Variants in CACNA1C observed in about 807,000 individuals in gnomAD.
CACNA1C encodes calcium voltage-gated channel subunit alpha1 C.
CACNA1C carries 30 observed loss-of-function variants against 229.0 expected under a neutral mutation model. The ratio of observed to expected loss-of-function variants is 0.13; its 90% CI spans 0.10 to 0.18. The LOEUF (loss-of-function observed/expected upper bound fraction) is 0.18, where lower values mean the gene tolerates loss of function less well. Ranked by LOEUF, CACNA1C falls within the 10% of genes least tolerant of loss-of-function variation. CACNA1C has a pLI of 1.00. For synonymous variants in CACNA1C, 1,114 were observed against 1,132.5 expected, an observed-to-expected ratio of 0.98 and a Z score of 0.33; for missense variants, 1,658 against 2,845.0, an observed-to-expected ratio of 0.58 and a Z score of 9.49.
At chr12:2,641,643 A>G in intron 30 of CACNA1C, 1 of 693,572 alleles carries the variant, frequency 1.4e-6, no homozygotes, top group Admixed American at 2.0e-5. Flanking sequence ...AAGTGATTCC[A>G]GCACAGTCAT....
At chr12:1,981,255 C>T (rs1299416928) in intron 1 of CACNA1C, among the ~76,000 whole-genome samples, 1 of 152,160 alleles carries the variant, frequency 6.6e-6, no homozygotes, top group East Asian at 1.9e-4. Flanking sequence ...ACCACAGAGG[C>T]TCCTTAATGC....
At chr12:2,302,685 A>G (rs1394013478) in intron 3 of CACNA1C, among the ~76,000 whole-genome samples, 2 of 152,184 alleles carry the variant, frequency 1.3e-5, no homozygotes, top group Admixed American at 1.3e-4. Context: ...AAATACATCA[A>G]TAGCTTATTC....
At chr12:2,541,392 C>CA (rs2099869941) in intron 9 of CACNA1C, among the ~76,000 whole-genome samples, 1 of 152,134 alleles carries the variant, frequency 6.6e-6, no homozygotes, top group African/African-American at 2.4e-5. Flanking sequence ...CGCTCATATG[C>CA]AAAAAATGTA....
chr12:2,164,683 G>T (rs965475475), intron 3 of CACNA1C, among the ~76,000 whole-genome samples: 5 of 152,220 alleles, frequency 3.3e-5, no homozygotes, highest in Non-Finnish European at 7.3e-5. Context: ...TAGAAGCAGA[G>T]ACTGGGGAAT....
intron 1 of CACNA1C, among the ~76,000 whole-genome samples, chr12:2,061,616 G>C (rs975947327): frequency 6.6e-6 from 1 of 152,116 alleles, no homozygotes; most frequent in Non-Finnish European, 1.5e-5. Context: ...CCTGGCAGCT[G>C]TCCACCTGCC....
intron 3 of CACNA1C, among the ~76,000 whole-genome samples, chr12:2,444,256 A>C (rs1167835484): frequency 6.6e-6 from 1 of 152,144 alleles, no homozygotes; most frequent in Non-Finnish European, 1.5e-5. Context: ...TCCTCTGTGC[A>C]TTTCTCCCTG....
At chr12:2,500,536 C>T (rs1004494634) in intron 7 of CACNA1C, among the ~76,000 whole-genome samples, 11 of 152,104 alleles carry the variant, frequency 7.2e-5, no homozygotes, top group Non-Finnish European at 1.5e-4. Flanking sequence ...CTCCCACTCG[C>T]CATCTGCCCA....
chr12:2,247,759 G>A (rs1038333823), intron 3 of CACNA1C, among the ~76,000 whole-genome samples: 9 of 152,278 alleles, frequency 5.9e-5, no homozygotes, highest in African/African-American at 2.2e-4. Flanking sequence ...GAGCCTCTTT[G>A]TGCTTCCTCT....
At chr12:2,230,881 T>G (rs1307827432) in intron 3 of CACNA1C, among the ~76,000 whole-genome samples, 1 of 152,216 alleles carries the variant, frequency 6.6e-6, no homozygotes, top group Non-Finnish European at 1.5e-5. Flanking sequence ...TATCCCGATT[T>G]TGCAGAGGAG....
intron 9 of CACNA1C, among the ~76,000 whole-genome samples, chr12:2,517,051 G>A (rs188645999): frequency 1.5e-3 from 227 of 152,342 alleles, no homozygotes; most frequent in Non-Finnish European, 2.5e-3. Flanking sequence ...AGGAGGGAAT[G>A]CAAAGGAAGG....
At chr12:2,060,330 G>A (rs1014137381) in intron 1 of CACNA1C, among the ~76,000 whole-genome samples, 3 of 152,162 alleles carry the variant, frequency 2.0e-5, no homozygotes, top group Admixed American at 2.0e-4. Flanking sequence ...TAGAGACTGT[G>A]AGACAGGCTG....
At chr12:2,405,169 A>G (rs2098722272) in intron 3 of CACNA1C, among the ~76,000 whole-genome samples, 1 of 152,248 alleles carries the variant, frequency 6.6e-6, no homozygotes, top group Non-Finnish European at 1.5e-5. Context: ...AAATAATTAT[A>G]GGTTCATAGG....
intron 3 of CACNA1C, among the ~76,000 whole-genome samples, chr12:2,426,906 G>A (rs549587447): frequency 1.2e-4 from 18 of 152,342 alleles, no homozygotes; most frequent in African/African-American, 2.9e-4. Flanking sequence ...AAGGCTTCAC[G>A]TGGCCTACGC....
At chr12:2,557,653 G>A (rs1271293234) in intron 11 of CACNA1C, among the ~76,000 whole-genome samples, 1 of 152,210 alleles carries the variant, frequency 6.6e-6, no homozygotes, top group East Asian at 1.9e-4. Flanking sequence ...AGATGTGACT[G>A]CTTCCGTGTT....
At chr12:2,550,538 TG>T in intron 10 of CACNA1C, 5 of 1,351,032 alleles carry the variant, frequency 3.7e-6, no homozygotes, top group Non-Finnish European at 4.9e-6. Flanking sequence ...TCTCTCATCC[TG>T]CCAGTAAGGG....
At chr12:2,611,148 G>T (rs878906976) in intron 28 of CACNA1C, among the ~76,000 whole-genome samples, 1 of 128,790 alleles carries the variant, frequency 7.8e-6, no homozygotes, top group Non-Finnish European at 1.7e-5. Flanking sequence ...GGATGCGTTC[G>T]TTTTTGGTTG....
chr12:2,680,513 G>A lies in CACNA1C; in HGVS notation c.5444+717G>A, dbSNP rs188883228. On this transcript the variant is annotated intron_variant, in intron 42 of 46. Transcript: ENST00000399655. ...GCATCGTGCCTGGCCACGCTTCACT[G>A]TGCTGCTCTTCCAGAGTAGGAGAGT... 406 of 1,573,088 alleles carry A rather than the reference G, an allele frequency of 2.6e-4. 6 individuals are homozygous for A. The South Asian group carries it at 4.6e-3, about 18-fold the overall frequency.
intron 3 of CACNA1C, among the ~76,000 whole-genome samples, chr12:2,195,963 G>A (rs1261182374): frequency 2.0e-5 from 3 of 152,298 alleles, no homozygotes; most frequent in Middle Eastern, 6.8e-3. Context: ...CGCTGGCAGA[G>A]GAGTGTTCAG....
rs2239128 is a variant in CACNA1C, at chr12:2,648,603, T to C, written c.3945+96T>C. 0.77 allele frequency: 826,673 copies of C among 1,073,460 alleles called. 322,910 individuals are homozygous for C. The highest frequency in any genetic ancestry group is 0.85 in the Admixed American group (49,621 of 58,570). The allele number at this position is 1,073,460 out of a possible 1,614,324, so 66.5% of individuals were successfully genotyped here. The stretch of plus-strand genomic sequence containing the variant: ...CGAACTCCAGAGTCCCTGGGAGCCC[T>C]GCCTGGCTCTCACTGCATGTGGCCA... On this transcript the variant is annotated intron_variant, in intron 31 of 46. Transcript: ENST00000399655.
Sources: allele counts gnomAD v4.1 joint callset (sites outside exome capture counted in the v4.1 genomes callset), GRCh38; gene constraint gnomAD v4.1.1; transcripts MANE v1.5; gene names NCBI Gene and HGNC (gene_info 2026-07-23, HGNC 2026-07-21).